CAPN13: variants seen among roughly 807,000 people sequenced by gnomAD.
CAPN13 encodes calpain 13.
Under a neutral mutation model 98.4 loss-of-function variants are expected in CAPN13, and 90 were observed. The observed-to-expected ratio is 0.92, with a 90% confidence interval of 0.77 to 1.09. CAPN13 has a LOEUF of 1.09. Among genes scored for constraint, CAPN13 ranks in the 50% least tolerant of loss-of-function variants. The probability of loss-of-function intolerance (pLI) is 0.00; values close to 1 mark genes in which losing one functional copy is unlikely to be tolerated. For missense variants in CAPN13, 887 were observed against 841.3 expected, an observed-to-expected ratio of 1.05 and a Z score of -0.67; for synonymous variants, 330 against 305.5, an observed-to-expected ratio of 1.08 and a Z score of -0.84.
At chr2:30,731,451 C>G (rs150994700) in intron 20 of CAPN13, 52 bp from the exon 21 acceptor site, 31 of 1,541,470 alleles carry the variant, frequency 2.0e-5, no homozygotes, top group Non-Finnish European at 2.6e-5. Context: ...GGAATCCAGG[C>G]AGTTCAGGGG....
chr2:30,790,274 T>C (rs981370538), intron 1 of CAPN13, among the ~76,000 whole-genome samples: 10 of 152,138 alleles, frequency 6.6e-5, no homozygotes, highest in African/African-American at 2.4e-4. Context: ...CTCTACCCAA[T>C]CTGTCTCACT....
At chr2:30,726,051 A>C (rs1303985512) in intron 22 of CAPN13, among the ~76,000 whole-genome samples, 1 of 152,208 alleles carries the variant, frequency 6.6e-6, no homozygotes, top group Non-Finnish European at 1.5e-5. Context: ...AACCTGAAAG[A>C]ATGATTTATT....
intron 1 of CAPN13, among the ~76,000 whole-genome samples, chr2:30,797,967 T>G (rs1009612215): frequency 1.2e-4 from 18 of 152,166 alleles, no homozygotes; most frequent in Non-Finnish European, 2.1e-4. Context: ...GCCAAACACA[T>G]GTCCAGTGGA....
At chr2:30,760,492 C>T (rs1050626728) in intron 7 of CAPN13, among the ~76,000 whole-genome samples, 29 of 152,164 alleles carry the variant, frequency 1.9e-4, no homozygotes, top group African/African-American at 5.6e-4. Flanking sequence ...CAGGGCTAAA[C>T]GAGGCATGCA....
intron 4 of CAPN13, among the ~76,000 whole-genome samples, chr2:30,772,960 G>C (rs1375072372): frequency 1.3e-5 from 2 of 152,080 alleles, no homozygotes; most frequent in Non-Finnish European, 2.9e-5. Flanking sequence ...CAAGTAGCTG[G>C]GATTACAGGC....
chr2:30,758,630 C>G (rs544269527), intron 7 of CAPN13, among the ~76,000 whole-genome samples: 1 of 152,276 alleles, frequency 6.6e-6, no homozygotes, highest in South Asian at 2.1e-4. Flanking sequence ...CAGATTTGAG[C>G]AAGACTGAGA....
chr2:30,769,933 T>A (rs1437355286), intron 5 of CAPN13, among the ~76,000 whole-genome samples: 2 of 152,166 alleles, frequency 1.3e-5, no homozygotes, highest in Non-Finnish European at 2.9e-5. Context: ...CTTTGAGGCC[T>A]CACTCAAATG....
At chr2:30,741,423 T>G in intron 15 of CAPN13, 1 of 990,700 alleles carries the variant, frequency 1.0e-6, no homozygotes. Flanking sequence ...TATTTTATTC[T>G]GACAAGTCAA....
At chr2:30,731,533 G>A in intron 20 of CAPN13, 134 bp from the exon 21 acceptor site, 1 of 679,094 alleles carries the variant, frequency 1.5e-6, no homozygotes. Flanking sequence ...CGCGGGGTGT[G>A]CCTGTCACCC....
intron 2 of CAPN13, among the ~76,000 whole-genome samples, chr2:30,778,515 G>A (rs1673817686): frequency 6.6e-6 from 1 of 152,164 alleles, no homozygotes; most frequent in Non-Finnish European, 1.5e-5. Flanking sequence ...TTGGTAATTG[G>A]TCCTTATATC....
At chr2:30,794,795 A>G (rs879842603) in intron 1 of CAPN13, among the ~76,000 whole-genome samples, 4 of 152,010 alleles carry the variant, frequency 2.6e-5, no homozygotes, top group Admixed American at 6.5e-5. Context: ...AATACATATT[A>G]TATGACTCCA....
At chr2:30,790,793 G>A (rs1674568557) in intron 1 of CAPN13, among the ~76,000 whole-genome samples, 1 of 152,194 alleles carries the variant, frequency 6.6e-6, no homozygotes, top group Admixed American at 6.5e-5. Flanking sequence ...TGGAACACTA[G>A]GCATAAATGG....
chr2:30,768,666 T>C (rs542187449), intron 5 of CAPN13, among the ~76,000 whole-genome samples: 2 of 131,752 alleles, frequency 1.5e-5, no homozygotes, highest in South Asian at 2.1e-4. Context: ...TTTCATTTCA[T>C]GAACTTTCTT....
At chr2:30,770,502 C>A in intron 4 of CAPN13, 53 bp from the exon 5 acceptor site, 3 of 1,593,164 alleles carry the variant, frequency 1.9e-6, no homozygotes, top group South Asian at 2.3e-5. Context: ...AAGGGAGCTC[C>A]TGGGTCCCCC....
chr2:30,738,115 A>G (rs964768047), intron 17 of CAPN13, 120 bp downstream of exon 17: 1 of 994,836 alleles, frequency 1.0e-6, no homozygotes, highest in Non-Finnish European at 1.6e-6. Context: ...ACTCAAGGAC[A>G]GGGAAGAAGA....
At chr2:30,796,897 T>C (rs925315683) in intron 1 of CAPN13, among the ~76,000 whole-genome samples, 1 of 152,214 alleles carries the variant, frequency 6.6e-6, no homozygotes, top group Non-Finnish European at 1.5e-5. Context: ...TCCAAGAGGC[T>C]TATCGGCACT....
chr2:30,758,776 CCCTCCCTCCCTTT>C, intron 7 of CAPN13, among the ~76,000 whole-genome samples: 5 of 43,742 alleles, frequency 1.1e-4, no homozygotes, highest in Non-Finnish European at 2.8e-4. Context: ...TTTCCTTCCT[CCCTCCCTCCCTTT>C]CCTTTCCTTC....
At chr2:30,747,142 T>A (rs1450298033) in intron 11 of CAPN13, among the ~76,000 whole-genome samples, 1 of 152,236 alleles carries the variant, frequency 6.6e-6, no homozygotes, top group Non-Finnish European at 1.5e-5. Context: ...TTTCACGTAG[T>A]AGAAGGAATA....
At chr2:30,775,458 G>T (rs1572855546) in intron 4 of CAPN13, among the ~76,000 whole-genome samples, 2 of 151,912 alleles carry the variant, frequency 1.3e-5, no homozygotes, top group East Asian at 3.9e-4. Context: ...GTGTATCACA[G>T]TGGCTTTTTT....
Sources: gnomAD v4.1 joint callset for allele counts (sites outside exome capture counted in the v4.1 genomes callset) on GRCh38, gnomAD v4.1.1 for gene constraint, MANE v1.5 for transcripts, NCBI Gene and HGNC (gene_info 2026-07-23, HGNC 2026-07-21) for gene names.